CLHC1: variants seen among roughly 807,000 people sequenced by gnomAD.
The protein encoded by CLHC1 is clathrin heavy chain linker domain containing 1.
CLHC1 carries 72 observed loss-of-function variants against 69.5 expected under a neutral mutation model. That is an observed-to-expected ratio of 1.04 (90% confidence interval 0.86 to 1.26). CLHC1 has a LOEUF of 1.26. Among genes scored for constraint, CLHC1 ranks in the 50% most tolerant of loss-of-function variants. The pLI, the probability that CLHC1 is intolerant of heterozygous loss-of-function variation, is 0.00. For synonymous variants in CLHC1, 223 were observed against 224.3 expected, an observed-to-expected ratio of 0.99 and a Z score of 0.05; for missense variants, 790 against 679.3, an observed-to-expected ratio of 1.16 and a Z score of -1.81.
intron 4 of CLHC1, among the ~76,000 whole-genome samples, chr2:55,213,592 T>A (rs1673212919): frequency 1.6e-5 from 2 of 122,504 alleles, no homozygotes; most frequent in Non-Finnish European, 3.7e-5. Flanking sequence ...GGACAGCACT[T>A]CCCTGAGATA....
rs771858462 is a variant in CLHC1 at position 55,175,992 on chromosome 2, G to C, written c.1565-6C>G. ...CATAAGACTTTCTACTGCATCTGTG[G>C]GGAAAAAATACAATATTATAGTATG... On this transcript the variant is annotated splice_polypyrimidine_tract_variant and splice_region_variant and intron_variant, in intron 12 of 12. Coordinates refer to ENST00000401408, the MANE Select transcript of CLHC1 (RefSeq NM_152385.4). The C allele has an allele frequency of 2.1e-5, 33 of 1,607,166 alleles. 1 individual carries two copies. In the South Asian group the frequency reaches 3.2e-4, roughly 16 times the overall value.
At chr2:55,232,399 G>GC (rs1264104395), upstream of CLHC1, 12 of 281,086 alleles carry the variant, frequency 4.3e-5, no homozygotes, top group Non-Finnish European at 6.3e-5. Context: ...TCCCCAAGAG[G>GC]CCCCCCTCGA....
intron 1 of CLHC1, among the ~76,000 whole-genome samples, chr2:55,230,125 A>G (rs193029323): frequency 1.4e-4 from 22 of 152,376 alleles, no homozygotes; most frequent in Admixed American, 8.5e-4. Context: ...AACAGATTAT[A>G]GGACGCAAGG....
chr2:55,189,202 G>T (rs1275135258), intron 9 of CLHC1, among the ~76,000 whole-genome samples: 1 of 152,068 alleles, frequency 6.6e-6, no homozygotes, highest in Non-Finnish European at 1.5e-5. Flanking sequence ...TAGGAGAAAA[G>T]AGGGAATTCT....
chr2:55,201,917 G>A (rs1671980527), intron 9 of CLHC1, among the ~76,000 whole-genome samples: 1 of 152,138 alleles, frequency 6.6e-6, no homozygotes, highest in Admixed American at 6.5e-5. Context: ...AAAACCATAT[G>A]ATAATTTCAA....
Position 55,177,756 on chromosome 2 carries a change from T to C in CLHC1, c.1410A>G (p.Ser470=), listed in dbSNP as rs572892152. 3.2e-5 allele frequency: 52 copies of C among 1,610,646 alleles called. No homozygotes were observed. The highest frequency in any genetic ancestry group is 4.1e-5 in the Non-Finnish European group (48 of 1,178,456). Residue 470 remains serine (S), a synonymous_variant, in exon 12 of 13, where the codon TCA becomes TCG. Coordinates refer to ENST00000401408, the MANE Select transcript of CLHC1 (RefSeq NM_152385.4). ...ACTGAATTAATTCAACTTGGGGACA[T>C]GACATTAATAGCTGCAACAGGTCAT... The part of the protein sequence containing the change: ...TTDDLLQLLM[S]CPQVELIQCL...
rs571355357 is a variant in CLHC1 at position 55,223,549 on chromosome 2, C to T, written c.-82-1056G>A. Among the ~76,000 whole-genome samples the T allele has an allele frequency of 4.9e-4, 74 of 152,216 alleles. 1 individual carries two copies. Among genetic ancestry groups the T allele is most frequent in the African/African-American group, 1.7e-3 (69 of 41,552 alleles). ...TCCGAGCGCCAAGGGTCGGCGCGAC[C>T]GCTCTCGGCTTTGGGGACCGGATGG... On this transcript the variant is annotated intron_variant, in intron 2 of 12. Coordinates refer to ENST00000401408, the MANE Select transcript of CLHC1 (RefSeq NM_152385.4).
chr2:55,218,974 A>G (rs1673849695), intron 3 of CLHC1, among the ~76,000 whole-genome samples: 1 of 152,166 alleles, frequency 6.6e-6, no homozygotes, highest in Non-Finnish European at 1.5e-5. Context: ...CTAGGAAGGC[A>G]TCTGGTCTAT....
upstream of CLHC1, chr2:55,232,334 G>GA (rs1573823491): frequency 4.2e-6 from 1 of 240,628 alleles, no homozygotes; most frequent in African/African-American, 2.2e-5. Context: ...GTCCAAGGTA[G>GA]AAGAAAGCAG....
intron 4 of CLHC1, among the ~76,000 whole-genome samples, chr2:55,216,309 AT>A (rs1673503430): frequency 1.3e-5 from 2 of 151,864 alleles, no homozygotes; most frequent in Admixed American, 1.3e-4. Context: ...AAAAAAGAAA[AT>A]TATCTATAAA....
intron 2 of CLHC1, chr2:55,225,851 G>C (rs536668139): frequency 6.6e-6 from 1 of 152,338 alleles, no homozygotes; most frequent in East Asian, 1.9e-4. Flanking sequence ...TGCTGTCTTT[G>C]TAAGTACTCA....
At chr2:55,210,279 C>G (rs762748316) in intron 5 of CLHC1, among the ~76,000 whole-genome samples, 5 of 152,066 alleles carry the variant, frequency 3.3e-5, no homozygotes, top group African/African-American at 7.2e-5. Flanking sequence ...TCACTGCAAC[C>G]TCTGCCTCCC....
chr2:55,211,884 G>C (rs1673045562), intron 5 of CLHC1, among the ~76,000 whole-genome samples: 1 of 152,198 alleles, frequency 6.6e-6, no homozygotes, highest in African/African-American at 2.4e-5. Flanking sequence ...AGCAGTGAAT[G>C]CTGACATCAA....
chr2:55,193,977 C>T (rs1671165803), intron 9 of CLHC1, among the ~76,000 whole-genome samples: 1 of 152,044 alleles, frequency 6.6e-6, no homozygotes, highest in African/African-American at 2.4e-5. Flanking sequence ...ATGAACAAAC[C>T]TCAAAAACAT....
chr2:55,210,859 T>C, intron 5 of CLHC1, among the ~76,000 whole-genome samples: 1 of 152,110 alleles, frequency 6.6e-6, no homozygotes, highest in Admixed American at 6.5e-5. Context: ...AATATGTAGA[T>C]ATATATATAG....
chr2:55,187,596 CAG>C (rs1283828547), intron 9 of CLHC1, among the ~76,000 whole-genome samples: 2 of 151,744 alleles, frequency 1.3e-5, no homozygotes, highest in African/African-American at 4.8e-5. Flanking sequence ...GCTCAGGTGA[CAG>C]AGCAAGACTG....
chr2:55,190,733 G>T (rs1019790401), intron 9 of CLHC1, among the ~76,000 whole-genome samples: 3 of 152,192 alleles, frequency 2.0e-5, no homozygotes, highest in Non-Finnish European at 4.4e-5. Flanking sequence ...TAAATGAGCT[G>T]TAGGACAACT....
At chr2:55,211,481 G>A (rs772291037) in intron 5 of CLHC1, among the ~76,000 whole-genome samples, 1 of 132,176 alleles carries the variant, frequency 7.6e-6, no homozygotes. Context: ...CAGCCTGGGT[G>A]ACAGAGCGAG....
Position 55,180,534 on chromosome 2 carries a change from G to C in CLHC1, c.1360C>G (p.Gln454Glu). Residue 454 changes from glutamine to glutamate, a missense_variant, in exon 11 of 13, where the codon CAG (glutamine) becomes GAG (glutamate). By Grantham distance (29) the Gln-to-Glu change is conservative. Transcript: ENST00000401408. ...GQTHRVMEYI[Q>E]QLKDFTTDDL... ...CCGGTAGTAAAGTCCTTCAACTGCT[G>C]TATGTACTCCATGACCCTATGAGTC... The C allele has an allele frequency of 6.2e-7, 1 of 1,613,882 alleles. No individual in the cohort carries two copies. Among genetic ancestry groups the C allele is most frequent in the Non-Finnish European group, 8.5e-7 (1 of 1,179,800 alleles).
Sources: allele counts gnomAD v4.1 joint callset (sites outside exome capture counted in the v4.1 genomes callset), GRCh38; gene constraint gnomAD v4.1.1; transcripts MANE v1.5; gene names NCBI Gene and HGNC (gene_info 2026-07-23, HGNC 2026-07-21).